FAT2: variants seen among roughly 807,000 people sequenced by gnomAD.
FAT2 encodes the protein FAT atypical cadherin 2.
In FAT2, 150 loss-of-function variants were observed where a neutral mutation model predicts 295.3. That is an observed-to-expected ratio of 0.51 (90% CI 0.44 to 0.58). The LOEUF (loss-of-function observed/expected upper bound fraction) is 0.58. FAT2 is among the 20% of genes least tolerant of loss of function. The pLI is 0.00. For synonymous variants in FAT2, 2,026 were observed against 2,150.3 expected, an observed-to-expected ratio of 0.94 and a Z score of 1.60; for missense variants, 4,868 against 5,442.7, an observed-to-expected ratio of 0.89 and a Z score of 3.32.
intron 4 of FAT2, among the ~76,000 whole-genome samples, chr5:151,555,367 C>CTTTTTTTTTTTTTTTTTTTTTTTTT (rs912481589): frequency 8.1e-6 from 1 of 123,112 alleles, no homozygotes; most frequent in African/African-American, 3.1e-5. Flanking sequence ...TAATATATTT[C>CTTTTTTTTTTTTTTTTTTTTTTTTT]TTTTTTTTTT....
chr5:151,556,396 A>AGGAG lies in FAT2; in HGVS notation c.3577_3580dup (p.Leu1194ProfsTer15). 2 of 1,613,390 alleles carry AGGAG rather than the reference A, an allele frequency of 1.2e-6. No individual in the cohort carries two copies. Among genetic ancestry groups the AGGAG allele is most frequent in the Non-Finnish European group, 1.7e-6 (2 of 1,179,552 alleles). ...TCTGTCCAGCTGCTGGGCTGTAGAT[A>AGGAG]GGAGACCTGAGAGAGAGATGATAAG... On this transcript the variant is annotated frameshift_variant, in exon 4 of 24. Transcript: ENST00000261800. LOFTEE classifies it high-confidence loss of function.
chr5:151,575,841 G>T (rs982185600), intron 1 of FAT2, among the ~76,000 whole-genome samples: 15 of 152,216 alleles, frequency 9.9e-5, no homozygotes, highest in African/African-American at 1.7e-4. Flanking sequence ...GTGCTGTCCA[G>T]GGTGGGAGCC....
rs960376771 is a variant in FAT2, at chr5:151,548,571, C to G, written c.4789+724G>C. Among the ~76,000 whole-genome samples, 3 of 152,100 alleles carry G rather than the reference C, an allele frequency of 2.0e-5. No homozygotes were observed. The South Asian group carries it at 6.2e-4, about 31-fold the overall frequency. ...TCTCAGCTCACTGCAACCTCTGCCT[C>G]CCAGGTTCAAGCGATTCTCCTCCCT... On this transcript the variant is annotated intron_variant, in intron 9 of 23. Coordinates refer to ENST00000261800, the MANE Select transcript of FAT2 (RefSeq NM_001447.3).
chr5:151,566,099 TC>T lies in FAT2; in HGVS notation c.2832del (p.Thr945HisfsTer20), dbSNP rs763749986. On this transcript the variant is annotated frameshift_variant, in exon 2 of 24. Coordinates refer to ENST00000261800, the MANE Select transcript of FAT2 (RefSeq NM_001447.3). LOFTEE classifies it high-confidence loss of function. ...TCAGGATCAGAGGCATCCAGAAATG[TC>T]AAGACAGTCCCGGGGGGCAGGTCCT... The part of the protein sequence containing the change: ...VPEDLPPGTV[L>X]TFLDASDPDL... 6.2e-7 allele frequency: 1 copy of T among 1,614,116 alleles called. No homozygotes were observed. The highest frequency in any genetic ancestry group is 8.5e-7 in the Non-Finnish European group (1 of 1,180,012).
intron 10 of FAT2, 47 bp downstream of exon 10, chr5:151,542,238 T>C: frequency 6.6e-7 from 1 of 1,517,696 alleles, no homozygotes; most frequent in Non-Finnish European, 8.8e-7. Context: ...TTCCTGGATG[T>C]TTTTCGATAC....
At chr5:151,552,459 A>G (rs1757307419) in intron 6 of FAT2, among the ~76,000 whole-genome samples, 1 of 152,238 alleles carries the variant, frequency 6.6e-6, no homozygotes, top group South Asian at 2.1e-4. Flanking sequence ...AAACTGTACC[A>G]GGACTCCATG....
Position 151,529,230 on chromosome 5 carries a change from G to A in FAT2, c.9974C>T (p.Pro3325Leu). 1.2e-6 allele frequency: 2 copies of A among 1,614,114 alleles called. No individual in the cohort carries two copies. The highest frequency in any genetic ancestry group is 1.3e-5 in the African/African-American group (1 of 75,010). The part of the protein sequence containing the change: ...NEHRPQFPQD[P>L]YSTRVLENAL... The stretch of plus-strand genomic sequence containing the variant: ...ATTCTCTAAGACCCTTGTGCTATAT[G>A]GATCTTGGGGGAATTGGGGCCGGTG... The change falls in exon 15 of 24, where the codon CCA becomes CTA. Residue 3325 changes from proline to leucine, a missense_variant. By Grantham distance (98) the Pro-to-Leu change is moderately conservative. Transcript: ENST00000261800.
chr5:151,541,556 G>A (rs1756147306), intron 10 of FAT2, among the ~76,000 whole-genome samples: 1 of 152,188 alleles, frequency 6.6e-6, no homozygotes, highest in African/African-American at 2.4e-5. Flanking sequence ...CCATGTTCAT[G>A]GGAATGGGGG....
rs79533881 is a variant in FAT2, at chr5:151,542,420, C to G, written c.8707G>C (p.Ala2903Pro). Residue 2903 changes from alanine (A) to proline (P), a missense_variant, in exon 10 of 24, where the codon GCT becomes CCT. Physicochemically the swap from Ala to Pro is conservative, Grantham distance 27. Transcript: ENST00000261800. ...TACTCTTCAGAAGCAAATCGGGGAG[C>G]ATTGTCATTCTCATCTGTAATGGAG... ...QVSITDENDN[A>P]PRFASEEYRG... The G allele has an allele frequency of 2.5e-4, 399 of 1,614,168 alleles. 4 individuals carry two copies. In the African/African-American group the frequency reaches 4.8e-3, roughly 20 times the overall value.
intron 19 of FAT2, 127 bp from the exon 20 acceptor site, chr5:151,517,892 A>G: frequency 1.7e-6 from 2 of 1,190,492 alleles, no homozygotes; most frequent in Non-Finnish European, 2.4e-6. Flanking sequence ...ACATGAAGAA[A>G]CTAGGCTGGG....
In FAT2 at chr5:151,563,655, C is replaced by G. The variant is rs1310630459; in HGVS notation, c.3260-16G>C. ...TGAATCATTCCTAGGGACAGTAAGT[C>G]AGCAAACCCAAAATACTTTAGAGCT... On this transcript the variant is annotated splice_polypyrimidine_tract_variant and intron_variant, in intron 2 of 23. Transcript: ENST00000261800. 1 of 1,606,406 alleles carries G rather than the reference C, an allele frequency of 6.2e-7. No individual in the cohort carries two copies. The highest frequency in any genetic ancestry group is 1.7e-5 in the Admixed American group (1 of 57,446).
chr5:151,544,739 G>A lies in FAT2; in HGVS notation c.6388C>T (p.Pro2130Ser), dbSNP rs1270659983. 1 of 1,614,164 alleles carries A rather than the reference G, an allele frequency of 6.2e-7. No individual in the cohort carries two copies. The highest frequency in any genetic ancestry group is 1.7e-5 in the Admixed American group (1 of 60,020). ...TTATTTAAAGCTTGATAATCAAAGG[G>A]TTTCTTGAGTGATATGTCCCCAAGA... is the stretch of plus-strand genomic sequence containing the variant. Reference protein sequence around the residue: ...PYLGDISLKKPFDYQALNKYH... With the variant: ...PYLGDISLKKSFDYQALNKYH... Residue 2130 changes from proline (P) to serine (S), a missense_variant, in exon 10 of 24, where the codon CCC (proline) becomes TCC (serine). By Grantham distance (74) the Pro-to-Ser change is moderately conservative (BLOSUM62 -1). Coordinates refer to ENST00000261800, the MANE Select transcript of FAT2 (RefSeq NM_001447.3).
chr5:151,550,959 C>CCTA lies in FAT2; in HGVS notation c.4297-91_4297-89dup, dbSNP rs958972578. The CCTA allele has an allele frequency of 3.4e-6, 4 of 1,193,038 alleles. No individual in the cohort carries two copies. In the African/African-American group the frequency reaches 4.6e-5, roughly 14 times the overall value. 73.9% of individuals were successfully genotyped at this position (1,193,038 alleles called of 1,614,324 possible). ...TCTGGACCTCCCTGTATCACCCAGGCCTAGCACAGTGCCTGGCACTCAGCA... is the reference window on the plus strand; with the variant it reads ...TCTGGACCTCCCTGTATCACCCAGGCCTACTAGCACAGTGCCTGGCACTCAGCA... On this transcript the variant is annotated intron_variant, in intron 7 of 23. Transcript: ENST00000261800.
intron 1 of FAT2, among the ~76,000 whole-genome samples, chr5:151,575,551 T>C (rs930118732): frequency 5.3e-5 from 8 of 152,214 alleles, no homozygotes; most frequent in African/African-American, 1.9e-4. Context: ...GGCAAATACC[T>C]AGCACTGGAA....
rs750911248 is a variant in FAT2, at chr5:151,531,600, C to T, written c.9798G>A (p.Leu3266=). The change falls in exon 14 of 24, where the codon CTG becomes CTA. Residue 3266 remains leucine (L), a synonymous_variant. Transcript: ENST00000261800. The surrounding 1 kb of genome is among the most constrained non-coding windows in gnomAD (Gnocchi z 5.7). ...TCAGGCTCTCACCTGTGCGAGCATC[C>T]AGGCGGAACCTGCCTTGCTCGTTCC... ...VSGNEQGRFR[L]DARTGILYVN... The T allele has an allele frequency of 1.2e-5, 20 of 1,612,506 alleles. No individual in the cohort carries two copies. Among genetic ancestry groups the T allele is most frequent in the Admixed American group, 8.3e-5 (5 of 60,000 alleles).
rs1487147497 is a variant in FAT2, at chr5:151,521,655, G to A, written c.10938C>T (p.Asp3646=). Residue 3646 remains aspartate, a synonymous_variant, in exon 19 of 24, where the codon GAC becomes GAT. Transcript: ENST00000261800. Reference sequence around the variant, plus strand: ...GGAACCTCTGCAGGTTCCGCCAGTGGTCACTCACCAGCTCCTCGGGGGTGA... The same window carrying A: ...GGAACCTCTGCAGGTTCCGCCAGTGATCACTCACCAGCTCCTCGGGGGTGA... ...YQLTPEELVS[D]HWRNLQRFLS... is the part of the protein sequence containing the mutation. The A allele has an allele frequency of 1.2e-6, 2 of 1,614,090 alleles. No individual in the cohort carries two copies. The highest frequency in any genetic ancestry group is 1.1e-5 in the South Asian group (1 of 91,080).
chr5:151,511,942 C>T (rs1355332681), intron 21 of FAT2: 6 of 569,600 alleles, frequency 1.1e-5, no homozygotes, highest in Non-Finnish European at 1.9e-5. Flanking sequence ...TATCCTCCCT[C>T]ATCCCCCCAG....
Position 151,585,634 on chromosome 5 carries a change from C to G in FAT2, c.-21+5531G>C, listed in dbSNP as rs146754433. On this transcript the variant is annotated intron_variant, in intron 1 of 23. Coordinates refer to ENST00000261800, the MANE Select transcript of FAT2 (RefSeq NM_001447.3). ...CTCAAGGAAAAAAATATATATATAT[C>G]AGCTGTAACTTACAATTTATGCACT... Among the ~76,000 whole-genome samples, 26 of 152,272 alleles carry G rather than the reference C, an allele frequency of 1.7e-4. No individual in the cohort carries two copies. In the East Asian group the frequency reaches 4.2e-3, roughly 25 times the overall value.
chr5:151,531,560 T>C lies in FAT2; in HGVS notation c.9811+27A>G, dbSNP rs759293992. The C allele has an allele frequency of 5.6e-6, 9 of 1,610,734 alleles. No individual in the cohort carries two copies. The highest frequency in any genetic ancestry group is 3.3e-5 in the South Asian group (3 of 90,800). ...TCCCAGAAACCCTGTACGCGATGCT[T>C]TGGGGCTTGGTGGATCAGGCTCTCA... On this transcript the variant is annotated intron_variant, in intron 14 of 23. Coordinates refer to ENST00000261800, the MANE Select transcript of FAT2 (RefSeq NM_001447.3). This position sits in a 1 kb window ranked among gnomAD's most constrained non-coding sequence, Gnocchi z 5.7.
Sources: allele counts gnomAD v4.1 joint callset (sites outside exome capture counted in the v4.1 genomes callset), GRCh38; gene constraint gnomAD v4.1.1; non-coding constraint Gnocchi (gnomAD v3.1); transcripts MANE v1.5; gene names NCBI Gene and HGNC (gene_info 2026-07-23, HGNC 2026-07-21).